Variants in PRIM1 observed in about 807,000 individuals in gnomAD.
The protein encoded by PRIM1 is DNA primase subunit 1.
In PRIM1, 38 loss-of-function variants were observed where a neutral mutation model predicts 60.2. The observed-to-expected ratio is 0.63, with a 90% CI of 0.49 to 0.83. PRIM1 has a LOEUF of 0.83. Among genes scored for constraint, PRIM1 ranks in the 40% least tolerant of loss-of-function variants. The pLI is 0.00. For missense variants in PRIM1, 388 were observed against 506.2 expected, an observed-to-expected ratio of 0.77 and a Z score of 2.24; for synonymous variants, 158 against 160.2, an observed-to-expected ratio of 0.99 and a Z score of 0.10.
At position 56,731,657 on chromosome 12, in the gene PRIM1, G is replaced by A. The variant is rs780143935; in HGVS notation, c.*58C>T. 1 of 1,418,702 alleles carries A rather than the reference G, an allele frequency of 7.0e-7. No homozygotes were observed. The highest frequency in any genetic ancestry group is 9.6e-7 in the Non-Finnish European group (1 of 1,038,436). The allele number at this position is 1,418,702 out of a possible 1,614,324, so 87.9% of individuals were successfully genotyped here. ...CCATATTTATTAAATGGCTCTTGAA[G>A]TATTTGATCTGTGGTTGAAGGCAGA... On this transcript the variant is annotated 3_prime_UTR_variant, in exon 13 of 13. Coordinates refer to ENST00000338193, the MANE Select transcript of PRIM1 (RefSeq NM_000946.3).
At chr12:56,748,050 G>A (rs1953920898) in intron 2 of PRIM1, among the ~76,000 whole-genome samples, 1 of 152,114 alleles carries the variant, frequency 6.6e-6, no homozygotes, top group Non-Finnish European at 1.5e-5. Context: ...TTAAGAAGCA[G>A]TTAGCTACCC....
intron 2 of PRIM1, among the ~76,000 whole-genome samples, chr12:56,749,791 A>G (rs1953933579): frequency 6.6e-6 from 1 of 152,238 alleles, no homozygotes. Flanking sequence ...ATAACATGAA[A>G]AACTCCACAT....
chr12:56,735,748 T>C (rs1953822923), intron 11 of PRIM1, among the ~76,000 whole-genome samples: 2 of 151,640 alleles, frequency 1.3e-5, no homozygotes, highest in Non-Finnish European at 2.9e-5. Flanking sequence ...CCTCCTGGGT[T>C]CAAGCGATTC....
At position 56,734,258 on chromosome 12, in the gene PRIM1, G is replaced by A; in HGVS notation, c.1145-13C>T. 1 of 1,472,264 alleles carries A rather than the reference G, an allele frequency of 6.8e-7. No homozygotes were observed. The allele number at this position is 1,472,264 out of a possible 1,614,324, so 91.2% of individuals were successfully genotyped here. On this transcript the variant is annotated splice_polypyrimidine_tract_variant and intron_variant, in intron 11 of 12. Coordinates refer to ENST00000338193, the MANE Select transcript of PRIM1 (RefSeq NM_000946.3). ...GTCTTCTTATAATCTAAATTATGAA[G>A]AATGTACATTATAATTAGCATACTG... is the stretch of plus-strand genomic sequence containing the variant.
At chr12:56,738,908 T>C (rs192429004) in intron 10 of PRIM1, among the ~76,000 whole-genome samples, 1 of 152,194 alleles carries the variant, frequency 6.6e-6, no homozygotes, top group South Asian at 2.1e-4. Flanking sequence ...TATAATAGCA[T>C]GTGAATCCCA....
chr12:56,740,894 G>A (rs1245075505), intron 9 of PRIM1, among the ~76,000 whole-genome samples: 1 of 151,980 alleles, frequency 6.6e-6, no homozygotes, highest in Non-Finnish European at 1.5e-5. Context: ...GCTCACTGCA[G>A]CCTCAACTTC....
rs189008673 is a variant in PRIM1, at chr12:56,739,324, T to C, written c.1022A>G (p.Gln341Arg). Reference protein sequence around the residue: ...SVPIDLQKVDQFDPFTVPTIS... With the variant: ...SVPIDLQKVDRFDPFTVPTIS... ...GGTCGGAACAGTAAATGGATCAAACTGGTCCACTTTCTGCAAATCAATAGG... is the reference window on the plus strand; with the variant it reads ...GGTCGGAACAGTAAATGGATCAAACCGGTCCACTTTCTGCAAATCAATAGG... Residue 341 changes from glutamine to arginine, a missense_variant, in exon 10 of 13, where the codon CAG becomes CGG. Around this residue, in one of 3 missense-constraint regions of PRIM1, gnomAD observed 211 missense variants for 277.9 expected, o/e 0.76. Transcript: ENST00000338193. 445 of 1,582,222 alleles carry C rather than the reference T, an allele frequency of 2.8e-4. No individual in the cohort carries two copies. Among genetic ancestry groups the C allele is most frequent in the Admixed American group, 1.4e-4 (8 of 58,008 alleles).
At chr12:56,732,927 T>C (rs1385269206) in intron 12 of PRIM1, among the ~76,000 whole-genome samples, 1 of 151,902 alleles carries the variant, frequency 6.6e-6, no homozygotes, top group Non-Finnish European at 1.5e-5. Flanking sequence ...CGATCTTGGC[T>C]CACTGCAACC....
chr12:56,737,596 A>G (rs868085303), intron 11 of PRIM1, among the ~76,000 whole-genome samples: 5 of 151,294 alleles, frequency 3.3e-5, no homozygotes, highest in Middle Eastern at 3.2e-3. Flanking sequence ...TGATCAACCC[A>G]CCTGGGCCTC....
intron 2 of PRIM1, among the ~76,000 whole-genome samples, chr12:56,749,182 AT>A (rs1953929156): frequency 6.6e-6 from 1 of 151,936 alleles, no homozygotes; most frequent in African/African-American, 2.4e-5. Context: ...CTGTTTTTGT[AT>A]TTTTTGGTAG....
At chr12:56,732,283 C>T (rs1953789910) in intron 12 of PRIM1, among the ~76,000 whole-genome samples, 1 of 152,156 alleles carries the variant, frequency 6.6e-6, no homozygotes, top group Non-Finnish European at 1.5e-5. Context: ...TAGTTTCCTA[C>T]TGTACCTGAC....
intron 2 of PRIM1, among the ~76,000 whole-genome samples, chr12:56,748,186 G>A (rs550989939): frequency 6.6e-6 from 1 of 152,256 alleles, no homozygotes; most frequent in South Asian, 2.1e-4. Flanking sequence ...AAGTACAATT[G>A]AAGAGTGTGT....
At chr12:56,738,399 T>C in intron 11 of PRIM1, 35 bp downstream of exon 11, 1 of 1,488,524 alleles carries the variant, frequency 6.7e-7, no homozygotes, top group Non-Finnish European at 8.9e-7. Context: ...ATAAAAACCC[T>C]GTATTTAAAG....
At chr12:56,750,691 G>A (rs1287756516) in intron 2 of PRIM1, among the ~76,000 whole-genome samples, 1 of 151,532 alleles carries the variant, frequency 6.6e-6, no homozygotes, top group Non-Finnish European at 1.5e-5. Context: ...CCGGGTTCAA[G>A]CGATTCTCCT....
chr12:56,735,585 G>T (rs1160051622), intron 11 of PRIM1, among the ~76,000 whole-genome samples: 1 of 151,814 alleles, frequency 6.6e-6, no homozygotes, highest in African/African-American at 2.4e-5. Context: ...TAGAGACAAG[G>T]TCTTGTGTTG....
intron 4 of PRIM1, 48 bp downstream of exon 4, chr12:56,746,733 A>G (rs1233136378): frequency 6.4e-7 from 1 of 1,552,926 alleles, no homozygotes; most frequent in Non-Finnish European, 8.9e-7. Context: ...TAGTCAGAGG[A>G]AAACCGATTC....
intron 2 of PRIM1, among the ~76,000 whole-genome samples, chr12:56,747,575 C>T (rs1348063297): frequency 6.6e-6 from 1 of 152,074 alleles, no homozygotes; most frequent in Non-Finnish European, 1.5e-5. Context: ...GTGAAACTGT[C>T]TCCCTACTAA....
At position 56,738,501 on chromosome 12, in the gene PRIM1, G is replaced by A. The variant is rs1400841176; in HGVS notation, c.1077C>T (p.Ala359=). 6.3e-7 allele frequency: 1 copy of A among 1,583,976 alleles called. No individual in the cohort carries two copies. The highest frequency in any genetic ancestry group is 1.8e-5 in the Admixed American group (1 of 55,380). Residue 359 remains alanine, a synonymous_variant, in exon 11 of 13, where the codon GCC becomes GCT. Transcript: ENST00000338193. ...CTTTTTCCTCTTCATTAGTGGAAATGGCATCCAATTCACGGCAGATGAAGC... is the reference window on the plus strand; with the variant it reads ...CTTTTTCCTCTTCATTAGTGGAAATAGCATCCAATTCACGGCAGATGAAGC... ...TISFICRELD[A]ISTNEEEKEE...
At chr12:56,743,721 T>C (rs190160300) in intron 6 of PRIM1, 20 of 197,364 alleles carry the variant, frequency 1.0e-4, no homozygotes, top group African/African-American at 1.6e-4. Flanking sequence ...GGAAAAAGCA[T>C]TGGAGTAGGC....
Sources: allele counts gnomAD v4.1 joint callset (sites outside exome capture counted in the v4.1 genomes callset), GRCh38; gene constraint gnomAD v4.1.1; regional missense constraint gnomAD v4.1.1; transcripts MANE v1.5; gene names NCBI Gene and HGNC (gene_info 2026-07-23, HGNC 2026-07-21).